Variants in STPG2 observed in about 807,000 individuals in gnomAD.
The protein encoded by STPG2 is sperm-tail PG-rich repeat-containing protein 2.
STPG2 carries 56 observed loss-of-function variants against 54.2 expected under a neutral mutation model. That is an observed-to-expected ratio of 1.03 (90% CI 0.83 to 1.29). The LOEUF is 1.29. Ranked by LOEUF, STPG2 falls within the 50% of genes most tolerant of loss-of-function variation. The pLI, the probability that STPG2 is intolerant of heterozygous loss-of-function variation, is 0.00. For missense variants in STPG2, 596 were observed against 544.9 expected, an observed-to-expected ratio of 1.09 and a Z score of -0.93; for synonymous variants, 200 against 181.8, an observed-to-expected ratio of 1.10 and a Z score of -0.81.
intron 8 of STPG2, among the ~76,000 whole-genome samples, chr4:97,903,655 G>A (rs1731268055): frequency 6.6e-6 from 1 of 152,228 alleles, no homozygotes; most frequent in Non-Finnish European, 1.5e-5. Context: ...CAACGCAGAA[G>A]ACTGGTGATT....
At chr4:97,905,290 G>T (rs1444507272) in intron 8 of STPG2, among the ~76,000 whole-genome samples, 1 of 152,088 alleles carries the variant, frequency 6.6e-6, no homozygotes, top group Non-Finnish European at 1.5e-5. Context: ...GAAGACAGTG[G>T]GGGCCAATAT....
At chr4:97,535,063 G>T (rs1385352810) in intron 4 of STPG2, among the ~76,000 whole-genome samples, 2 of 152,108 alleles carry the variant, frequency 1.3e-5, no homozygotes, top group African/African-American at 4.8e-5. Flanking sequence ...GAGAAATTAT[G>T]AACAACATTT....
chr4:97,775,581 G>C (rs1726351451), intron 9 of STPG2, among the ~76,000 whole-genome samples: 1 of 152,086 alleles, frequency 6.6e-6, no homozygotes, highest in South Asian at 2.1e-4. Flanking sequence ...CTAGTACTTT[G>C]AGAGCAATGA....
At chr4:97,991,158 G>A (rs1200669306) in intron 5 of STPG2, among the ~76,000 whole-genome samples, 1 of 151,770 alleles carries the variant, frequency 6.6e-6, no homozygotes, top group Admixed American at 6.6e-5. Context: ...AGTGAGACTG[G>A]GTTTCCATTC....
At chr4:97,797,706 T>C (rs906548125) in intron 9 of STPG2, among the ~76,000 whole-genome samples, 2 of 152,200 alleles carry the variant, frequency 1.3e-5, no homozygotes, top group Non-Finnish European at 2.9e-5. Context: ...GCCTCACAAA[T>C]GAGTTAGGGA....
At chr4:97,807,175 T>G (rs906268273) in intron 9 of STPG2, among the ~76,000 whole-genome samples, 1 of 151,208 alleles carries the variant, frequency 6.6e-6, no homozygotes, top group Non-Finnish European at 1.5e-5. Flanking sequence ...TATATTATAT[T>G]AATAATATAA....
At chr4:97,681,530 T>C (rs558071092) in intron 10 of STPG2, among the ~76,000 whole-genome samples, 2 of 151,884 alleles carry the variant, frequency 1.3e-5, no homozygotes, top group Non-Finnish European at 2.9e-5. Context: ...CATTCAGAAT[T>C]TAATTTTTTA....
chr4:97,743,914 G>A (rs1725344644), intron 9 of STPG2, among the ~76,000 whole-genome samples: 1 of 151,464 alleles, frequency 6.6e-6, no homozygotes, highest in Admixed American at 6.6e-5. Context: ...GAGCATAAGC[G>A]AAGTTCTTAC....
At chr4:97,844,321 C>T (rs1728884685) in intron 8 of STPG2, among the ~76,000 whole-genome samples, 1 of 151,924 alleles carries the variant, frequency 6.6e-6, no homozygotes, top group South Asian at 2.1e-4. Flanking sequence ...CATGTTGTAG[C>T]ATATTGCAAA....
chr4:98,080,386 A>T (rs1342125083), intron 5 of STPG2, among the ~76,000 whole-genome samples: 1 of 151,962 alleles, frequency 6.6e-6, no homozygotes, highest in Admixed American at 6.6e-5. Context: ...GCCTCACCAC[A>T]TCTGGCCAGT....
At chr4:97,927,545 T>C (rs1338279764) in intron 8 of STPG2, among the ~76,000 whole-genome samples, 1 of 152,110 alleles carries the variant, frequency 6.6e-6, no homozygotes, top group Admixed American at 6.6e-5. Context: ...ATTACATTTT[T>C]TAAAAAAAGT....
At chr4:97,961,140 A>G (rs1197258818) in intron 7 of STPG2, among the ~76,000 whole-genome samples, 1 of 152,018 alleles carries the variant, frequency 6.6e-6, no homozygotes, top group Admixed American at 6.6e-5. Context: ...AAAATTGGCG[A>G]GCCAAATGTA....
intron 9 of STPG2, among the ~76,000 whole-genome samples, chr4:97,837,171 CT>C (rs1351205007): frequency 6.6e-6 from 1 of 151,438 alleles, no homozygotes; most frequent in African/African-American, 2.4e-5. Flanking sequence ...GTTTTTATTA[CT>C]TTTTTAATGA....
intron 10 of STPG2, among the ~76,000 whole-genome samples, chr4:97,565,846 G>GGT (rs1224117396): frequency 2.3e-5 from 1 of 44,220 alleles, no homozygotes; most frequent in Non-Finnish European, 6.7e-5. Context: ...TGCCGCTACT[G>GGT]GGGGGTGCCT....
chr4:97,492,606 T>G (rs1730525402), intron 4 of STPG2, among the ~76,000 whole-genome samples: 1 of 151,394 alleles, frequency 6.6e-6, no homozygotes, highest in South Asian at 2.1e-4. Context: ...GCCTAGAATG[T>G]GAATTGTAGT....
chr4:97,870,558 T>C (rs1296673492), intron 8 of STPG2, among the ~76,000 whole-genome samples: 2 of 151,214 alleles, frequency 1.3e-5, no homozygotes, highest in Non-Finnish European at 3.0e-5. Context: ...TACAATTCAA[T>C]CCAAAAAGTA....
intron 8 of STPG2, among the ~76,000 whole-genome samples, chr4:97,906,050 C>A (rs1297987837): frequency 6.6e-6 from 1 of 152,040 alleles, no homozygotes; most frequent in Non-Finnish European, 1.5e-5. Flanking sequence ...GACACAAAAA[C>A]CCTTCAAAAA....
At chr4:97,557,071 C>T (rs1732095398), downstream of STPG2, among the ~76,000 whole-genome samples, 1 of 152,116 alleles carries the variant, frequency 6.6e-6, no homozygotes, top group Non-Finnish European at 1.5e-5. Context: ...GTCCCAGCTA[C>T]TCAGGAGGCT....
chr4:97,806,402 G>A (rs897097540), intron 9 of STPG2, among the ~76,000 whole-genome samples: 17 of 152,118 alleles, frequency 1.1e-4, no homozygotes, highest in East Asian at 3.9e-4. Context: ...AAAAACAATC[G>A]CTTGGGTACC....
Sources: gnomAD v4.1 joint callset for allele counts (sites outside exome capture counted in the v4.1 genomes callset) on GRCh38, gnomAD v4.1.1 for gene constraint, MANE v1.5 for transcripts, NCBI Gene and HGNC (gene_info 2026-07-23, HGNC 2026-07-21) for gene names.